LRRIQ1: variants seen among roughly 807,000 people sequenced by gnomAD.
LRRIQ1 encodes the protein leucine rich repeats and IQ motif containing 1.
A neutral mutation model predicts 211.9 loss-of-function variants in LRRIQ1; 210 were observed. That is an observed-to-expected ratio of 0.99 (90% confidence interval 0.89 to 1.11). The LOEUF is 1.11. Among genes scored for constraint, LRRIQ1 ranks in the 50% most tolerant of loss-of-function variants. The pLI is 0.00. For missense variants in LRRIQ1, 2,136 were observed against 1,939.5 expected, an observed-to-expected ratio of 1.10 and a Z score of -1.90; for synonymous variants, 699 against 650.1, an observed-to-expected ratio of 1.08 and a Z score of -1.14.
intron 24 of LRRIQ1, among the ~76,000 whole-genome samples, chr12:85,217,558 G>GTA (rs1179595600): frequency 1.3e-5 from 1 of 79,758 alleles, no homozygotes; most frequent in Non-Finnish European, 2.2e-5. Context: ...GTGTATATAG[G>GTA]TATATATATG....
intron 24 of LRRIQ1, among the ~76,000 whole-genome samples, chr12:85,212,100 C>T (rs1893863338): frequency 6.6e-6 from 1 of 152,012 alleles, no homozygotes; most frequent in Non-Finnish European, 1.5e-5. Flanking sequence ...AAACCCGTCT[C>T]TACTAAAACT....
At chr12:85,076,262 A>G (rs1301069467) in intron 11 of LRRIQ1, among the ~76,000 whole-genome samples, 3 of 151,976 alleles carry the variant, frequency 2.0e-5, no homozygotes, top group Non-Finnish European at 4.4e-5. Context: ...TGACTTTAAT[A>G]TCATAGTGAT....
At chr12:85,264,531 A>G (rs551604201), downstream of LRRIQ1, 6 of 152,190 alleles carry the variant, frequency 3.9e-5, no homozygotes, top group South Asian at 1.0e-3. Context: ...TCTTTAAAAA[A>G]TTCTTTCAAT....
intron 19 of LRRIQ1, among the ~76,000 whole-genome samples, chr12:85,146,899 A>G (rs192463817): frequency 6.6e-6 from 1 of 151,898 alleles, no homozygotes; most frequent in Admixed American, 6.6e-5. Flanking sequence ...TAGTCAGGAT[A>G]GAATCCTGAG....
At chr12:85,239,538 A>AG (rs201836936) in intron 26 of LRRIQ1, among the ~76,000 whole-genome samples, 4,866 of 152,032 alleles carry the variant, frequency 0.032, 124 homozygotes, top group Non-Finnish European at 0.053. Context: ...AAACAATTCA[A>AG]GGGGGGGAAA....
At chr12:85,157,019 CAT>C (rs1210264552) in intron 23 of LRRIQ1, among the ~76,000 whole-genome samples, 4 of 151,644 alleles carry the variant, frequency 2.6e-5, no homozygotes, top group Admixed American at 6.6e-5. Flanking sequence ...GTATTTTGTA[CAT>C]GTTTTTATCA....
chr12:85,244,995 AG>A lies in LRRIQ1; in HGVS notation c.*59del, dbSNP rs1314963215. ...TGCCAACAAGCATTCTTTTTCAGAT[AG>A]GGGGTAGGATGCCAGCAACCTGAAC... is the stretch of plus-strand genomic sequence containing the variant. On this transcript the variant is annotated 3_prime_UTR_variant, in exon 27 of 27. Coordinates refer to ENST00000393217, the MANE Select transcript of LRRIQ1 (RefSeq NM_001079910.2). 9 of 1,587,452 alleles carry A rather than the reference AG, an allele frequency of 5.7e-6. No individual in the cohort carries two copies. The East Asian group carries it at 1.8e-4, about 32-fold the overall frequency.
Position 85,103,923 on chromosome 12 carries a change from T to G in LRRIQ1, c.3210-81T>G, listed in dbSNP as rs368774665. 3.5e-4 allele frequency: 202 copies of G among 570,792 alleles called. 2 individuals carry two copies. The South Asian group carries it at 5.8e-3, about 16-fold the overall frequency. The allele number at this position is 570,792 out of a possible 1,614,324, so 35.4% of individuals were successfully genotyped here. On this transcript the variant is annotated intron_variant, in intron 13 of 26. Coordinates refer to ENST00000393217, the MANE Select transcript of LRRIQ1 (RefSeq NM_001079910.2). ...TAATTATATAATTGTATTATAAAAA[T>G]GTATTGTTATATAGTTACAATGGTA...
the LRRIQ1 span, among the ~76,000 whole-genome samples, chr12:85,270,545 A>G: frequency 1.7e-4 from 26 of 152,236 alleles, no homozygotes; most frequent in Admixed American, 7.2e-4. Context: ...TATATACTTC[A>G]TATTCTTAAT....
chr12:85,190,268 C>T (rs1892438260), intron 24 of LRRIQ1, among the ~76,000 whole-genome samples: 1 of 141,278 alleles, frequency 7.1e-6, no homozygotes, highest in Non-Finnish European at 1.5e-5. Context: ...ACTGTAACTA[C>T]ACAGTTAACA....
intron 26 of LRRIQ1, among the ~76,000 whole-genome samples, chr12:85,244,127 G>A (rs550424795): frequency 5.9e-5 from 9 of 151,544 alleles, no homozygotes; most frequent in Admixed American, 6.6e-5. Context: ...TAGGTAAGAA[G>A]CAATTATTTT....
intron 10 of LRRIQ1, among the ~76,000 whole-genome samples, chr12:85,068,475 G>T (rs1882688504): frequency 6.6e-6 from 1 of 151,588 alleles, no homozygotes; most frequent in African/African-American, 2.4e-5. Context: ...TTAAACATTT[G>T]CTTCATCTTT....
intron 18 of LRRIQ1, among the ~76,000 whole-genome samples, chr12:85,129,656 G>T (rs12579532): frequency 0.021 from 3,134 of 152,238 alleles, 140 homozygotes; most frequent in East Asian, 0.2. Flanking sequence ...AGATTCTAAG[G>T]CCATGATTTA....
chr12:85,167,096 C>T (rs1891186888), intron 24 of LRRIQ1, among the ~76,000 whole-genome samples: 1 of 152,168 alleles, frequency 6.6e-6, no homozygotes. Context: ...AAATTAGACT[C>T]ATTGCCCTAT....
chr12:85,237,726 A>G (rs1390878632), intron 26 of LRRIQ1, among the ~76,000 whole-genome samples: 1 of 152,158 alleles, frequency 6.6e-6, no homozygotes, highest in Non-Finnish European at 1.5e-5. Context: ...TCCACATAGT[A>G]AAACATAAAT....
chr12:85,188,228 G>T (rs915535046), intron 24 of LRRIQ1, among the ~76,000 whole-genome samples: 1 of 151,898 alleles, frequency 6.6e-6, no homozygotes, highest in Non-Finnish European at 1.5e-5. Context: ...CATGATTCTT[G>T]TTCTGGTTAG....
downstream of LRRIQ1, among the ~76,000 whole-genome samples, chr12:85,246,156 A>C (rs903490296): frequency 6.6e-6 from 1 of 151,204 alleles, no homozygotes; most frequent in Non-Finnish European, 1.5e-5. Context: ...AGTTTCAAAA[A>C]CCCTGGAGAG....
At chr12:85,152,410 C>A in intron 20 of LRRIQ1, 41 bp downstream of exon 20, 1 of 1,492,552 alleles carries the variant, frequency 6.7e-7, no homozygotes, top group Non-Finnish European at 9.3e-7. Context: ...GATCTTTGCT[C>A]ATTTCTTAAG....
intron 24 of LRRIQ1, among the ~76,000 whole-genome samples, chr12:85,213,700 T>G (rs1036431536): frequency 1.3e-5 from 2 of 151,950 alleles, no homozygotes; most frequent in Non-Finnish European, 2.9e-5. Context: ...GAAAATCATT[T>G]TATTGGAAGT....
Sources: gnomAD v4.1 joint callset for allele counts (sites outside exome capture counted in the v4.1 genomes callset) on GRCh38, gnomAD v4.1.1 for gene constraint, MANE v1.5 for transcripts, NCBI Gene and HGNC (gene_info 2026-07-23, HGNC 2026-07-21) for gene names.